The following CAMTA1 variants were observed in gnomAD, a reference collection of about 807,000 sequenced individuals.
CAMTA1 encodes the protein calmodulin-binding transcription activator 1.
Under a neutral mutation model 170.9 loss-of-function variants are expected in CAMTA1, and 27 were observed. The ratio of observed to expected loss-of-function variants is 0.16; its 90% confidence interval spans 0.12 to 0.22. CAMTA1 has a LOEUF of 0.22. CAMTA1 is among the 10% of genes least tolerant of loss of function. CAMTA1 has a pLI of 1.00. For missense variants in CAMTA1, 1,619 were observed against 2,217.2 expected (o/e 0.73, Z 5.42); for synonymous variants, 833 against 891.5 (o/e 0.93, Z 1.17).
At chr1:6,865,835 C>A (rs890272983) in intron 3 of CAMTA1, among the ~76,000 whole-genome samples, 1 of 152,170 alleles carries the variant, frequency 6.6e-6, no homozygotes, top group South Asian at 2.1e-4. Context: ...GAGCTATAAC[C>A]TGAACCCAGG....
At chr1:7,568,688 A>C (rs2095080124) in intron 6 of CAMTA1, among the ~76,000 whole-genome samples, 1 of 151,096 alleles carries the variant, frequency 6.6e-6, no homozygotes, top group Non-Finnish European at 1.5e-5. Context: ...AATCACCATC[A>C]AAATCATCAC....
intron 3 of CAMTA1, among the ~76,000 whole-genome samples, chr1:6,885,878 C>T (rs979640018): frequency 6.6e-6 from 1 of 152,176 alleles, no homozygotes. Context: ...AGTCCTTCCC[C>T]TGGAGGGCAG....
chr1:6,992,333 A>G (rs1005697223), intron 3 of CAMTA1, among the ~76,000 whole-genome samples: 1 of 152,030 alleles, frequency 6.6e-6, no homozygotes, highest in African/African-American at 2.4e-5. Context: ...CAGCCTCCCA[A>G]AGTGCTGGGA....
intron 5 of CAMTA1, among the ~76,000 whole-genome samples, chr1:7,326,379 GA>G (rs1246556698): frequency 6.6e-6 from 1 of 152,234 alleles, no homozygotes; most frequent in African/African-American, 2.4e-5. Flanking sequence ...CTAGTTGAGA[GA>G]TTGAATTCTG....
chr1:7,331,384 G>A (rs772374884), intron 5 of CAMTA1, among the ~76,000 whole-genome samples: 1 of 152,146 alleles, frequency 6.6e-6, no homozygotes, highest in African/African-American at 2.4e-5. Flanking sequence ...CCCTTTATAC[G>A]CTTAAAAATG....
intron 5 of CAMTA1, among the ~76,000 whole-genome samples, chr1:7,360,459 C>T (rs1163140102): frequency 6.6e-6 from 1 of 152,196 alleles, no homozygotes. Flanking sequence ...TACCATTCAC[C>T]AGCAGGTGAC....
Position 7,561,057 on chromosome 1 carries a change from C to T in CAMTA1, c.511-79343C>T, listed in dbSNP as rs1363511619. Among the ~76,000 whole-genome samples, 2 of 152,128 alleles carry T rather than the reference C, an allele frequency of 1.3e-5. No individual in the cohort carries two copies. The highest frequency in any genetic ancestry group is 2.4e-5 in the African/African-American group (1 of 41,430). On this transcript the variant is annotated intron_variant, in intron 6 of 22. Coordinates refer to ENST00000303635, the MANE Select transcript of CAMTA1 (RefSeq NM_015215.4). This position sits in a 1 kb window ranked among gnomAD's most constrained non-coding sequence, Gnocchi z 5.3. ...CTCTGCGCTCAGGCTCAGGGGGTGACGCTGGGCTGGGCGCTTCCCATGAGG... is the reference window on the plus strand; with the variant it reads ...CTCTGCGCTCAGGCTCAGGGGGTGATGCTGGGCTGGGCGCTTCCCATGAGG...
rs1468733269 is a variant in CAMTA1, at chr1:7,456,378, C to G, written c.439-11452C>G. On this transcript the variant is annotated intron_variant, in intron 5 of 22. Transcript: ENST00000303635. The surrounding 1 kb of genome is among the most constrained non-coding windows in gnomAD (Gnocchi z 4.9). The stretch of plus-strand genomic sequence containing the variant: ...CCAGCTCTAGCCACTTGGCAGGGCT[C>G]CAAGAAATAGGTCTCAGCGGTACAT... Among the ~76,000 whole-genome samples, 1 of 152,080 alleles carries G rather than the reference C, an allele frequency of 6.6e-6. No individual in the cohort carries two copies. The highest frequency in any genetic ancestry group is 1.9e-4 in the East Asian group (1 of 5,188).
At chr1:7,098,504 C>T (rs1219761078) in intron 4 of CAMTA1, among the ~76,000 whole-genome samples, 1 of 152,188 alleles carries the variant, frequency 6.6e-6, no homozygotes, top group Non-Finnish European at 1.5e-5. Flanking sequence ...GTACCTGTCA[C>T]GTAGTTTTCA....
At chr1:6,850,981 T>C (rs1174428333) in intron 3 of CAMTA1, among the ~76,000 whole-genome samples, 1 of 152,198 alleles carries the variant, frequency 6.6e-6, no homozygotes, top group African/African-American at 2.4e-5. Context: ...GTATAATTTC[T>C]TTCATTAATA....
At position 7,634,078 on chromosome 1, in the gene CAMTA1, C is replaced by T. The variant is rs1259875327; in HGVS notation, c.511-6322C>T. On this transcript the variant is annotated intron_variant, in intron 6 of 22. Coordinates refer to ENST00000303635, the MANE Select transcript of CAMTA1 (RefSeq NM_015215.4). The surrounding 1 kb of genome is among the most constrained non-coding windows in gnomAD (Gnocchi z 6.2). ...CGTGGCAGGAGTGTGGGCCTGATCT[C>T]AGTGCCAAGGAGCCGTCCGGAACAG... is the stretch of plus-strand genomic sequence containing the variant. Among the ~76,000 whole-genome samples the T allele has an allele frequency of 2.0e-5, 3 of 152,188 alleles. No homozygotes were observed. Among genetic ancestry groups the T allele is most frequent in the Non-Finnish European group, 2.9e-5 (2 of 68,036 alleles).
At chr1:7,242,807 T>TAAATAAATAAATAAAA (rs1219087291) in intron 4 of CAMTA1, among the ~76,000 whole-genome samples, 19 of 133,784 alleles carry the variant, frequency 1.4e-4, no homozygotes, top group African/African-American at 5.0e-4. Flanking sequence ...AATAAATAAA[T>TAAATAAATAAATAAAA]AAAAATTAGC....
chr1:7,766,434 C>CTGTTT (rs1558336799), intron 22 of CAMTA1, 25 bp from the exon 23 acceptor site: 9 of 1,612,734 alleles, frequency 5.6e-6, no homozygotes, highest in East Asian at 2.2e-5. Context: ...TTATCGCCTG[C>CTGTTT]TGTTTTGTTT....
intron 5 of CAMTA1, among the ~76,000 whole-genome samples, chr1:7,328,477 A>C (rs2082828960): frequency 6.6e-6 from 1 of 152,202 alleles, no homozygotes; most frequent in South Asian, 2.1e-4. Flanking sequence ...CCTGGGAGAC[A>C]GAGCCAGACC....
chr1:7,390,826 G>A (rs1268525233), intron 5 of CAMTA1, among the ~76,000 whole-genome samples: 1 of 152,226 alleles, frequency 6.6e-6, no homozygotes, highest in African/African-American at 2.4e-5. Flanking sequence ...GGTGTGCCAG[G>A]GTGACGTGAC....
chr1:7,472,131 G>A (rs1020711328), intron 6 of CAMTA1, among the ~76,000 whole-genome samples: 10 of 152,304 alleles, frequency 6.6e-5, no homozygotes, highest in African/African-American at 2.2e-4. Context: ...TGGAGGCAGC[G>A]GGGGGTCCTT....
intron 1 of CAMTA1, among the ~76,000 whole-genome samples, chr1:6,794,533 TTAAGCCA>T (rs768415476): frequency 2.0e-5 from 3 of 152,204 alleles, no homozygotes; most frequent in Non-Finnish European, 4.4e-5. Flanking sequence ...AATGGCTACT[TTAAGCCA>T]TATGAATGGT....
At chr1:7,590,229 C>T (rs559423330) in intron 6 of CAMTA1, among the ~76,000 whole-genome samples, 22 of 152,308 alleles carry the variant, frequency 1.4e-4, no homozygotes, top group African/African-American at 2.2e-4. Flanking sequence ...TGCACAGCTC[C>T]GAGTCATCAA....
Position 7,135,687 on chromosome 1 carries a change from A to G in CAMTA1, c.302+44316A>G, listed in dbSNP as rs2148571316. ...CTTCTACCACCTGTTGCCTTTTCTCATTGCAATTATTACAGATTGCCTGAT... is the reference window on the plus strand; with the variant it reads ...CTTCTACCACCTGTTGCCTTTTCTCGTTGCAATTATTACAGATTGCCTGAT... On this transcript the variant is annotated intron_variant, in intron 4 of 22. Coordinates refer to ENST00000303635, the MANE Select transcript of CAMTA1 (RefSeq NM_015215.4). 1.3e-5 allele frequency among the ~76,000 whole-genome samples: 2 copies of G among 152,234 alleles called. 1 individual carries two copies. Among genetic ancestry groups the G allele is most frequent in the African/African-American group, 4.8e-5 (2 of 41,520 alleles).
Sources: gnomAD v4.1 joint callset for allele counts (sites outside exome capture counted in the v4.1 genomes callset) on GRCh38, gnomAD v4.1.1 for gene constraint, Gnocchi (gnomAD v3.1) non-coding constraint, MANE v1.5 for transcripts, NCBI Gene and HGNC (gene_info 2026-07-23, HGNC 2026-07-21) for gene names.